The following SPHKAP variants were observed in gnomAD, a reference collection of about 807,000 sequenced individuals.
SPHKAP encodes A-kinase anchor protein SPHKAP.
A neutral mutation model predicts 137.5 loss-of-function variants in SPHKAP; 67 were observed. The ratio of observed to expected loss-of-function variants is 0.49; its 90% CI spans 0.40 to 0.60. The LOEUF (loss-of-function observed/expected upper bound fraction) is 0.60, where lower values mean the gene tolerates loss of function less well. Ranked by LOEUF, SPHKAP falls within the 20% of genes least tolerant of loss-of-function variation. SPHKAP has a pLI of 0.00. For synonymous variants in SPHKAP, 813 were observed against 785.3 expected (o/e 1.04, Z -0.59); for missense variants, 2,097 against 2,069.3 (o/e 1.01, Z -0.26).
intron 7 of SPHKAP, among the ~76,000 whole-genome samples, chr2:228,008,432 G>T (rs920661891): frequency 3.3e-5 from 5 of 152,022 alleles, no homozygotes; most frequent in African/African-American, 1.2e-4. Context: ...AAGTAGCTGG[G>T]ATTATAGGCA....
chr2:227,997,957 C>T (rs1235795150), intron 7 of SPHKAP, among the ~76,000 whole-genome samples: 1 of 152,124 alleles, frequency 6.6e-6, no homozygotes, highest in Non-Finnish European at 1.5e-5. Context: ...AAGTTGTAAA[C>T]TGTGAAAGAT....
chr2:228,045,768 A>T (rs1013163619), intron 3 of SPHKAP, among the ~76,000 whole-genome samples: 2 of 152,028 alleles, frequency 1.3e-5, no homozygotes, highest in East Asian at 3.9e-4. Flanking sequence ...AAAAAGAAAA[A>T]AAATAGAATC....
chr2:228,167,936 A>G (rs1700466856), intron 1 of SPHKAP, among the ~76,000 whole-genome samples: 1 of 152,170 alleles, frequency 6.6e-6, no homozygotes, highest in Non-Finnish European at 1.5e-5. Flanking sequence ...GTACCAACTG[A>G]AAAAGACATG....
Position 228,149,638 on chromosome 2 carries a change from G to C in SPHKAP, c.33-17553C>G, listed in dbSNP as rs112488610. On this transcript the variant is annotated intron_variant, in intron 1 of 11. Coordinates refer to ENST00000392056, the MANE Select transcript of SPHKAP (RefSeq NM_001142644.2). ...TCTAAGCCACTTATAATTCTCTCTG[G>C]AAAGGTCTTGCATGCTTTTTTTAGA... is the stretch of plus-strand genomic sequence containing the variant. Among the ~76,000 whole-genome samples the C allele has an allele frequency of 9.9e-4, 151 of 152,238 alleles. 1 individual carries two copies. The highest frequency in any genetic ancestry group is 1.9e-3 in the Non-Finnish European group (131 of 67,994).
intron 3 of SPHKAP, among the ~76,000 whole-genome samples, chr2:228,042,818 A>G (rs1473808282): frequency 1.7e-4 from 26 of 152,208 alleles, no homozygotes; most frequent in Admixed American, 1.6e-3. Flanking sequence ...TTACTTATGT[A>G]TAAGAACCAA....
At chr2:228,112,793 T>G (rs1017533192) in intron 2 of SPHKAP, among the ~76,000 whole-genome samples, 1 of 152,130 alleles carries the variant, frequency 6.6e-6, no homozygotes, top group African/African-American at 2.4e-5. Flanking sequence ...TAAAGATTTT[T>G]TTTGAACCTA....
chr2:228,130,424 C>T (rs1249754717), intron 2 of SPHKAP, among the ~76,000 whole-genome samples: 1 of 152,138 alleles, frequency 6.6e-6, no homozygotes, highest in African/African-American at 2.4e-5. Context: ...TTGCTTCAAT[C>T]TTATAAAATA....
intron 2 of SPHKAP, among the ~76,000 whole-genome samples, chr2:228,130,719 C>A (rs2106374035): frequency 6.6e-6 from 1 of 152,094 alleles, no homozygotes; most frequent in East Asian, 1.9e-4. Context: ...AGGTTGGAGA[C>A]CTCTTTTATA....
chr2:227,982,051 AT>A (rs3082640), intron 11 of SPHKAP, 191 bp from the exon 12 acceptor site: 97,362 of 908,368 alleles, frequency 0.11, 926 homozygotes, highest in African/African-American at 0.16. Flanking sequence ...CATCAAGTGA[AT>A]TTTTTTTTTT....
chr2:228,037,146 G>A (rs1695652486), intron 3 of SPHKAP, among the ~76,000 whole-genome samples: 1 of 151,898 alleles, frequency 6.6e-6, no homozygotes, highest in South Asian at 2.1e-4. Flanking sequence ...ACTCTTTTTA[G>A]TACCTTTACA....
chr2:228,017,938 G>A lies in SPHKAP; in HGVS notation c.2916C>T (p.Pro972=), dbSNP rs1428275870. The stretch of plus-strand genomic sequence containing the variant: ...TCTTCAAGGATCGGCAGGGTACGTT[G>A]GGTGTCATCAGAAACTCACTCCCTC... ...WKRGSEFLMT[P]NVPCRSLKRK... Residue 972 remains proline (P), a synonymous_variant, in exon 7 of 12, where the codon CCC becomes CCT. Coordinates refer to ENST00000392056, the MANE Select transcript of SPHKAP (RefSeq NM_001142644.2). 1.2e-6 allele frequency: 2 copies of A among 1,614,100 alleles called. No individual in the cohort carries two copies. The highest frequency in any genetic ancestry group is 3.3e-5 in the Admixed American group (2 of 60,020).
intron 2 of SPHKAP, among the ~76,000 whole-genome samples, chr2:228,124,644 A>G (rs4305264): frequency 0.34 from 50,252 of 149,202 alleles, 8,792 homozygotes; most frequent in East Asian, 0.49. Flanking sequence ...ATGACGAGTT[A>G]ATGGGTGCAG....
rs1700898109 is a variant in SPHKAP, at chr2:228,181,181, T to C, written c.32+386A>G. 6.6e-6 allele frequency among the ~76,000 whole-genome samples: 1 copy of C among 152,062 alleles called. No homozygotes were observed. The highest frequency in any genetic ancestry group is 1.5e-5 in the Non-Finnish European group (1 of 68,004). On this transcript the variant is annotated intron_variant, in intron 1 of 11. Coordinates refer to ENST00000392056, the MANE Select transcript of SPHKAP (RefSeq NM_001142644.2). This position sits in a 1 kb window ranked among gnomAD's most constrained non-coding sequence, Gnocchi z 4.3. ...GGTACTTTGCCCTAGCCCGGTTCCC[T>C]CCTGTTTTAGACCTTGGAATCTGTC...
In SPHKAP at chr2:228,017,635, G is replaced by A. The variant is rs772462016; in HGVS notation, c.3219C>T (p.Asp1073=). 7 of 1,613,964 alleles carry A rather than the reference G, an allele frequency of 4.3e-6. No homozygotes were observed. Among genetic ancestry groups the A allele is most frequent in the East Asian group, 2.2e-5 (1 of 44,850 alleles). ...TGGAGGCCTTCAGCCGGCTCCACCTGTCGCCACTCAGTAACCGATTCCGGG... is the reference window on the plus strand; with the variant it reads ...TGGAGGCCTTCAGCCGGCTCCACCTATCGCCACTCAGTAACCGATTCCGGG... ...GYPRNRLLSG[D]RWSRLKASSC... The change falls in exon 7 of 12, where the codon GAC becomes GAT. Residue 1073 remains aspartate (D), a synonymous_variant. Coordinates refer to ENST00000392056, the MANE Select transcript of SPHKAP (RefSeq NM_001142644.2).
chr2:228,072,932 G>C (rs1697050047), intron 3 of SPHKAP, among the ~76,000 whole-genome samples: 1 of 152,232 alleles, frequency 6.6e-6, no homozygotes, highest in Non-Finnish European at 1.5e-5. Flanking sequence ...GTTTCAGACA[G>C]TATGAAGTAG....
chr2:228,158,759 C>G (rs953126850), intron 1 of SPHKAP, among the ~76,000 whole-genome samples: 1 of 152,168 alleles, frequency 6.6e-6, no homozygotes, highest in Non-Finnish European at 1.5e-5. Flanking sequence ...TATTTCACAT[C>G]TATTTCAAAT....
At chr2:228,082,880 T>C (rs1431827519) in intron 3 of SPHKAP, among the ~76,000 whole-genome samples, 4 of 152,184 alleles carry the variant, frequency 2.6e-5, no homozygotes, top group African/African-American at 9.7e-5. Flanking sequence ...TATCAACTCT[T>C]TTTTTAATTG....
At chr2:228,051,155 G>T (rs919654967) in intron 3 of SPHKAP, among the ~76,000 whole-genome samples, 5 of 151,950 alleles carry the variant, frequency 3.3e-5, no homozygotes, top group Non-Finnish European at 5.9e-5. Context: ...TCACAATTTT[G>T]GGCAAATGAA....
At chr2:228,000,626 T>A (rs1039295937) in intron 7 of SPHKAP, among the ~76,000 whole-genome samples, 1 of 150,322 alleles carries the variant, frequency 6.7e-6, no homozygotes, top group South Asian at 2.1e-4. Flanking sequence ...AAAAAAATAA[T>A]AATAATAAAA....
Sources: allele counts gnomAD v4.1 joint callset (sites outside exome capture counted in the v4.1 genomes callset), GRCh38; gene constraint gnomAD v4.1.1; non-coding constraint Gnocchi (gnomAD v3.1); transcripts MANE v1.5; gene names NCBI Gene and HGNC (gene_info 2026-07-23, HGNC 2026-07-21).